HERC2: variants seen among roughly 807,000 people sequenced by gnomAD.
HERC2 encodes HECT and RLD domain containing E3 ubiquitin protein ligase 2, also known as E3 ubiquitin-protein ligase HERC2.
Under a neutral mutation model 537.7 loss-of-function variants are expected in HERC2, and 102 were observed. That is an observed-to-expected ratio of 0.19 (90% confidence interval 0.16 to 0.22). The LOEUF (loss-of-function observed/expected upper bound fraction) is 0.22, where lower values mean the gene tolerates loss of function less well. Among genes scored for constraint, HERC2 ranks in the 10% least tolerant of loss-of-function variants. The pLI, the probability that HERC2 is intolerant of heterozygous loss-of-function variation, is 1.00. For synonymous variants in HERC2, 2,224 were observed against 2,466.2 expected (o/e 0.90, Z 2.91); for missense variants, 4,236 against 6,198.2 (o/e 0.68, Z 10.63).
intron 21 of HERC2, 151 bp downstream of exon 21, chr15:28,248,401 C>T (rs1408488855): frequency 1.7e-6 from 1 of 579,352 alleles, no homozygotes; most frequent in African/African-American, 1.9e-5. Flanking sequence ...AGGTCCAACT[C>T]AAAAAAGTGG....
chr15:28,287,135 G>C (rs565360598), intron 4 of HERC2, among the ~76,000 whole-genome samples: 33 of 152,286 alleles, frequency 2.2e-4, no homozygotes, highest in African/African-American at 7.9e-4. Context: ...GGAAGCTTTA[G>C]TCAAACATAT....
At chr15:28,304,749 G>A (rs1188836605) in intron 2 of HERC2, among the ~76,000 whole-genome samples, 3 of 110,536 alleles carry the variant, frequency 2.7e-5, no homozygotes, top group African/African-American at 3.6e-5. Flanking sequence ...TAGGGTACAT[G>A]TGCACATTGC....
chr15:28,112,301 C>T (rs563056575), intron 92 of HERC2, among the ~76,000 whole-genome samples: 3 of 152,056 alleles, frequency 2.0e-5, no homozygotes, highest in African/African-American at 4.8e-5. Flanking sequence ...TGTGTGGATG[C>T]GGGGCGGCCT....
chr15:28,159,445 C>A (rs1209256929), intron 69 of HERC2, among the ~76,000 whole-genome samples: 1 of 152,096 alleles, frequency 6.6e-6, no homozygotes, highest in East Asian at 1.9e-4. Flanking sequence ...TCTTTTTATT[C>A]TTTTTTCTCT....
Position 28,117,107 on chromosome 15 carries a change from G to C in HERC2, c.13320C>G (p.Thr4440=). ...SKGGLAGPDG[T]KSVFGQMCAK... is the part of the protein sequence containing the mutation. The stretch of plus-strand genomic sequence containing the variant: ...CACACATCTGCCCAAAGACAGACTT[G>C]GTGCCGTCGGGGCCGGCCAGCCCGC... The change falls in exon 87 of 93, where the codon ACC becomes ACG. Residue 4440 remains threonine (T), a synonymous_variant. Coordinates refer to ENST00000261609, the MANE Select transcript of HERC2 (RefSeq NM_004667.6). 6 of 1,614,102 alleles carry C rather than the reference G, an allele frequency of 3.7e-6. No homozygotes were observed. The highest frequency in any genetic ancestry group is 5.1e-6 in the Non-Finnish European group (6 of 1,179,992).
At position 28,288,651 on chromosome 15, in the gene HERC2, G is replaced by A. The variant is rs138410846; in HGVS notation, c.322+4237C>T. Among the ~76,000 whole-genome samples, 649 of 151,362 alleles carry A rather than the reference G, an allele frequency of 4.3e-3. 7 individuals are homozygous for A. Among genetic ancestry groups the A allele is most frequent in the African/African-American group, 0.015 (610 of 41,102 alleles). On this transcript the variant is annotated intron_variant, in intron 4 of 92. Coordinates refer to ENST00000261609, the MANE Select transcript of HERC2 (RefSeq NM_004667.6). ...ACCTAAGGTCAGGAGTTCAAGGCGA[G>A]CCTGGCAAACACAGTGAAACCCTGT...
At chr15:28,258,642 T>C (rs1301883408) in intron 16 of HERC2, among the ~76,000 whole-genome samples, 3 of 151,752 alleles carry the variant, frequency 2.0e-5, no homozygotes, top group Admixed American at 6.6e-5. Flanking sequence ...AAAAAAAAGA[T>C]AGGTCTAAAT....
chr15:28,297,949 G>T (rs1296166126), intron 3 of HERC2, among the ~76,000 whole-genome samples: 1 of 148,772 alleles, frequency 6.7e-6, no homozygotes, highest in East Asian at 2.0e-4. Context: ...AGCCAAATAC[G>T]GTGGCAGAAC....
intron 42 of HERC2, 101 bp from the exon 43 acceptor site, chr15:28,212,684 A>G: frequency 8.3e-7 from 1 of 1,208,412 alleles, no homozygotes; most frequent in Non-Finnish European, 1.2e-6. Flanking sequence ...GAAATGCCAC[A>G]CATACCCGTA....
At chr15:28,147,367 T>G (rs376347029) in intron 70 of HERC2, among the ~76,000 whole-genome samples, 10 of 152,368 alleles carry the variant, frequency 6.6e-5, no homozygotes, top group South Asian at 6.2e-4. Context: ...AGTGGTACAC[T>G]CCTGTAATCT....
At chr15:28,272,848 T>C (rs2075774568) in intron 8 of HERC2, 46 bp downstream of exon 8, 2 of 1,296,244 alleles carry the variant, frequency 1.5e-6, no homozygotes, top group African/African-American at 1.4e-5. Context: ...GGTATTTCCA[T>C]ACACAGGCGC....
At chr15:28,147,871 C>A (rs1891927986) in intron 70 of HERC2, among the ~76,000 whole-genome samples, 1 of 151,426 alleles carries the variant, frequency 6.6e-6, no homozygotes, top group Non-Finnish European at 1.5e-5. Flanking sequence ...CTCATCTCCA[C>A]AAAAAATAAA....
At chr15:28,291,016 C>G (rs1050892175) in intron 4 of HERC2, among the ~76,000 whole-genome samples, 5 of 152,166 alleles carry the variant, frequency 3.3e-5, no homozygotes, top group African/African-American at 1.2e-4. Context: ...AAACCAACAA[C>G]TGGTTCTTTG....
intron 15 of HERC2, 56 bp from the exon 16 acceptor site, chr15:28,261,026 A>G: frequency 7.3e-7 from 1 of 1,362,492 alleles, no homozygotes. Context: ...CCGCTGCAAG[A>G]AAGATATTTC....
At chr15:28,228,140 A>AAAAG in intron 35 of HERC2, 78 bp downstream of exon 35, 3 of 1,304,252 alleles carry the variant, frequency 2.3e-6, no homozygotes, top group Admixed American at 2.5e-5. Context: ...AAAAAAAAAA[A>AAAAG]AAAAGAAAAG....
At chr15:28,290,909 G>A (rs2076292400) in intron 4 of HERC2, among the ~76,000 whole-genome samples, 1 of 151,878 alleles carries the variant, frequency 6.6e-6, no homozygotes, top group Non-Finnish European at 1.5e-5. Context: ...TAAGAAACTA[G>A]GAAAGACAGA....
chr15:28,240,650 A>G (rs185222186), intron 23 of HERC2, among the ~76,000 whole-genome samples: 1 of 152,212 alleles, frequency 6.6e-6, no homozygotes, highest in African/African-American at 2.4e-5. Context: ...ATTAAACCCT[A>G]AGAAAGAAGA....
intron 89 of HERC2, 21 bp from the exon 90 acceptor site, chr15:28,114,823 G>A (rs777145597): frequency 5.0e-6 from 8 of 1,609,042 alleles, no homozygotes; most frequent in Non-Finnish European, 6.8e-6. Context: ...GAAAAAGAAA[G>A]CCCATGTGTC....
At chr15:28,210,423 A>G (rs1899059047) in intron 44 of HERC2, among the ~76,000 whole-genome samples, 1 of 152,218 alleles carries the variant, frequency 6.6e-6, no homozygotes, top group South Asian at 2.1e-4. Context: ...GGCATGAGCC[A>G]TTGTGCCCGG....
Sources: allele counts gnomAD v4.1 joint callset (sites outside exome capture counted in the v4.1 genomes callset), GRCh38; gene constraint gnomAD v4.1.1; transcripts MANE v1.5; gene names NCBI Gene and HGNC (gene_info 2026-07-23, HGNC 2026-07-21).